KIAA1755: variants seen among roughly 807,000 people sequenced by gnomAD.
KIAA1755 encodes the protein KIAA1755.
A neutral mutation model predicts 91.7 loss-of-function variants in KIAA1755; 68 were observed. The ratio of observed to expected loss-of-function variants is 0.74; its 90% confidence interval spans 0.61 to 0.91. KIAA1755 has a LOEUF of 0.91. KIAA1755 is among the 40% of genes least tolerant of loss of function. KIAA1755 has a pLI of 0.00. For synonymous variants in KIAA1755, 610 were observed against 604.6 expected (o/e 1.01, Z -0.13); for missense variants, 1,535 against 1,494.4 (o/e 1.03, Z -0.45).
At position 38,213,222 on chromosome 20, in the gene KIAA1755, GC is replaced by G. The variant is rs764979428; in HGVS notation, c.3422del (p.Gly1141AlafsTer62). 84 of 1,613,168 alleles carry G rather than the reference GC, an allele frequency of 5.2e-5. 1 individual carries two copies. Among genetic ancestry groups the G allele is most frequent in the Non-Finnish European group, 6.7e-5 (79 of 1,180,034 alleles). On this transcript the variant is annotated frameshift_variant, in exon 14 of 14. Transcript: ENST00000279024. LOFTEE classifies it low-confidence loss of function (END_TRUNC). The stretch of plus-strand genomic sequence containing the variant: ...GGGCAGGGTCAGGCAGCTTGTGGGA[GC>G]CTTTGCCGTCTTCAGCCTCTGCAGC... The part of the protein sequence containing the change: ...GQAAEAEDGK[G>X]SHKLPDPARE...
chr20:38,245,943 G>C lies in KIAA1755; in HGVS notation c.187C>G (p.Arg63Gly). The change falls in exon 2 of 14, where the codon CGA (arginine) becomes GGA (glycine). Residue 63 changes from arginine to glycine, a missense_variant. Transcript: ENST00000279024. ...TCTTGACTTACACAGGCTGCTTCTC[G>C]CACTTGCTCACACAGGCGCTTGGCA... is the stretch of plus-strand genomic sequence containing the variant. The part of the protein sequence containing the change: ...IPAKRLCEQV[R>G]EAACAPYSHC... 2.4e-5 allele frequency: 38 copies of C among 1,614,056 alleles called. No homozygotes were observed. Among genetic ancestry groups the C allele is most frequent in the Non-Finnish European group, 3.1e-5 (36 of 1,179,976 alleles).
At chr20:38,259,528 TGTGA>T (rs796826790) in intron 1 of KIAA1755, among the ~76,000 whole-genome samples, 5,613 of 111,718 alleles carry the variant, frequency 0.05, 288 homozygotes, top group African/African-American at 0.14. Context: ...TGTGTGTGTG[TGTGA>T]GAGAGAGAGA....
intron 13 of KIAA1755, chr20:38,216,907 CT>C (rs1391008166): frequency 1.9e-6 from 1 of 534,588 alleles, no homozygotes; most frequent in African/African-American, 1.9e-5. Context: ...TTTCTCTTCT[CT>C]TTGGGGAAGC....
chr20:38,229,719 C>A (rs189066219), intron 5 of KIAA1755, among the ~76,000 whole-genome samples: 3 of 152,208 alleles, frequency 2.0e-5, no homozygotes, highest in African/African-American at 7.2e-5. Flanking sequence ...CTCATCCCTG[C>A]CACTTGTGCC....
chr20:38,221,102 C>T (rs971799951), intron 10 of KIAA1755, among the ~76,000 whole-genome samples: 5 of 152,206 alleles, frequency 3.3e-5, no homozygotes, highest in Non-Finnish European at 7.3e-5. Context: ...ACTGCAGCTC[C>T]CCACGGGTTG....
rs1471108619 is a variant in KIAA1755, at chr20:38,217,131, CA to C, written c.2901+121del. The C allele has an allele frequency of 1.1e-5, 9 of 838,978 alleles. No homozygotes were observed. The African/African-American group carries it at 1.5e-4, about 14-fold the overall frequency. 52.0% of individuals were successfully genotyped at this position (838,978 alleles called of 1,614,324 possible). ...TGGGGGGGGGCTGTGTCTAGGTATC[CA>C]AGGGATGGGGGCGGTGTCTATGCAG... On this transcript the variant is annotated intron_variant, in intron 13 of 13. Transcript: ENST00000279024.
chr20:38,240,162 C>T (rs949016487), intron 3 of KIAA1755, among the ~76,000 whole-genome samples: 2 of 151,828 alleles, frequency 1.3e-5, no homozygotes, highest in African/African-American at 4.8e-5. Flanking sequence ...AATTCCTGGC[C>T]TCAAGCCACC....
In KIAA1755 at chr20:38,213,046, A is replaced by C; in HGVS notation, c.3599T>G (p.Leu1200Arg). 1.3e-6 allele frequency: 2 copies of C among 1,537,408 alleles called. No homozygotes were observed. The highest frequency in any genetic ancestry group is 1.8e-6 in the Non-Finnish European group (2 of 1,140,212). ...DSPQTSPLAS[L>R] Reference sequence around the variant, plus strand: ...GCGACTGAAGGGGCCTCTCAGCTAGAGGGAGGCAAGGGGACTTGTCTGGGG... The same window carrying C: ...GCGACTGAAGGGGCCTCTCAGCTAGCGGGAGGCAAGGGGACTTGTCTGGGG... Residue 1200 changes from leucine (L) to arginine (R), a missense_variant, in exon 14 of 14, where the codon CTC becomes CGC. Coordinates refer to ENST00000279024, the MANE Select transcript of KIAA1755 (RefSeq NM_001029864.2).
At chr20:38,238,160 C>A (rs2075992274) in intron 4 of KIAA1755, among the ~76,000 whole-genome samples, 1 of 152,130 alleles carries the variant, frequency 6.6e-6, no homozygotes, top group Non-Finnish European at 1.5e-5. Context: ...ACCTTCCTCC[C>A]ATAGCAGAGC....
At position 38,217,417 on chromosome 20, in the gene KIAA1755, C is replaced by G; in HGVS notation, c.2737G>C (p.Ala913Pro). 6.2e-7 allele frequency: 1 copy of G among 1,613,152 alleles called. No homozygotes were observed. The highest frequency in any genetic ancestry group is 1.1e-5 in the South Asian group (1 of 90,818). ...CGTTCTGCCTCCCCAGCCCCTCTGG[C>G]TGTAGCTCCCAGCTGAGCGGCCTGC... The part of the protein sequence containing the change: ...SKQAAQLGAT[A>P]RGAGEAERAE... Residue 913 changes from alanine to proline, a missense_variant, in exon 13 of 14, where the codon GCC (alanine) becomes CCC (proline). By Grantham distance (27) the Ala-to-Pro change is conservative. Transcript: ENST00000279024.
At chr20:38,247,804 A>G (rs1160083090) in intron 1 of KIAA1755, among the ~76,000 whole-genome samples, 1 of 152,184 alleles carries the variant, frequency 6.6e-6, no homozygotes, top group African/African-American at 2.4e-5. Flanking sequence ...AAATGTGACT[A>G]TGGGCCAGGG....
intron 1 of KIAA1755, among the ~76,000 whole-genome samples, chr20:38,248,328 G>A (rs541348811): frequency 1.3e-5 from 2 of 152,292 alleles, no homozygotes; most frequent in East Asian, 1.9e-4. Context: ...CAAGGAATGC[G>A]GGCGTCTCCT....
In KIAA1755 at chr20:38,241,341, C is replaced by G. The variant is rs758447717; in HGVS notation, c.790G>C (p.Asp264His). 1 of 1,614,184 alleles carries G rather than the reference C, an allele frequency of 6.2e-7. No homozygotes were observed. The highest frequency in any genetic ancestry group is 1.1e-5 in the South Asian group (1 of 91,078). The part of the protein sequence containing the change: ...ARCGEVAFRM[D>H]EVVSQDFEGD... The stretch of plus-strand genomic sequence containing the variant: ...TCGAAGTCCTGGCTGACCACCTCGT[C>G]CATCCTGAAAGCCACCTCCCCACAC... Residue 264 changes from aspartate (D) to histidine (H), a missense_variant, in exon 3 of 14, where the codon GAC (aspartate) becomes CAC (histidine). By Grantham distance (81) the Asp-to-His change is moderately conservative (BLOSUM62 -1). Transcript: ENST00000279024.
chr20:38,244,595 T>C (rs1443192760), intron 2 of KIAA1755, among the ~76,000 whole-genome samples: 2 of 152,172 alleles, frequency 1.3e-5, no homozygotes, highest in Non-Finnish European at 2.9e-5. Context: ...TGGATGTTAA[T>C]AACAACAGAG....
At chr20:38,257,579 TAAA>T (rs1219977631) in intron 1 of KIAA1755, among the ~76,000 whole-genome samples, 15 of 90,148 alleles carry the variant, frequency 1.7e-4, no homozygotes, top group Middle Eastern at 7.6e-3. Flanking sequence ...AGACTCCATC[TAAA>T]AAAAAAAAAA....
At position 38,217,321 on chromosome 20, in the gene KIAA1755, A is replaced by G. The variant is rs752010604; in HGVS notation, c.2833T>C (p.Tyr945His). The G allele has an allele frequency of 1.2e-5, 19 of 1,611,758 alleles. 1 individual carries two copies. Among genetic ancestry groups the G allele is most frequent in the South Asian group, 8.9e-5 (8 of 90,342 alleles). The change falls in exon 13 of 14, where the codon TAC becomes CAC. Residue 945 changes from tyrosine (Y) to histidine (H), a missense_variant. Tyr to His is a moderately conservative substitution (Grantham distance 83). Transcript: ENST00000279024. ...RAFQAELTHF[Y>H]MAAERQRTDL... Reference sequence around the variant, plus strand: ...GTGCGTTGCCGCTCGGCCGCCATGTAAAAGTGGGTCAGCTCAGCCTGGAAG... The same window carrying G: ...GTGCGTTGCCGCTCGGCCGCCATGTGAAAGTGGGTCAGCTCAGCCTGGAAG...
intron 4 of KIAA1755, among the ~76,000 whole-genome samples, chr20:38,232,397 C>T (rs1329887301): frequency 6.6e-6 from 1 of 151,264 alleles, no homozygotes; most frequent in Non-Finnish European, 1.5e-5. Flanking sequence ...GAGGCTGAGG[C>T]GGGTGGATCA....
chr20:38,239,145 C>G (rs761434491), intron 4 of KIAA1755, among the ~76,000 whole-genome samples: 93 of 152,356 alleles, frequency 6.1e-4, no homozygotes, highest in Non-Finnish European at 5.4e-4. Context: ...TTGGGGTCAG[C>G]CCACAGCCTT....
In KIAA1755 at chr20:38,241,504, C is replaced by T; in HGVS notation, c.627G>A (p.Leu209=). 2 of 1,614,234 alleles carry T rather than the reference C, an allele frequency of 1.2e-6. No individual in the cohort carries two copies. The highest frequency in any genetic ancestry group is 4.5e-5 in the East Asian group (2 of 44,890). The change falls in exon 3 of 14, where the codon CTG becomes CTA. Residue 209 remains leucine, a synonymous_variant. Transcript: ENST00000279024. ...GCAACTCTTGAGGGCTGCTCAAATC[C>T]AGTGCCTCTAATGGAAGGGGCCCCC... ...QAWGPLPLEA[L]DLSSPQELHQ...
Sources: gnomAD v4.1 joint callset for allele counts (sites outside exome capture counted in the v4.1 genomes callset) on GRCh38, gnomAD v4.1.1 for gene constraint, MANE v1.5 for transcripts, NCBI Gene and HGNC (gene_info 2026-07-23, HGNC 2026-07-21) for gene names.